The following MOK variants were observed in gnomAD, a reference collection of about 807,000 sequenced individuals.
MOK encodes the protein MOK protein kinase, also known as MAPK/MAK/MRK overlapping kinase.
MOK carries 59 observed loss-of-function variants against 54.2 expected under a neutral mutation model. That is an observed-to-expected ratio of 1.09 (90% CI 0.88 to 1.35). MOK has a LOEUF of 1.35. Among genes scored for constraint, MOK ranks in the 40% most tolerant of loss-of-function variants. The pLI is 0.00. For synonymous variants in MOK, 210 were observed against 202.7 expected, an observed-to-expected ratio of 1.04 and a Z score of -0.31; for missense variants, 517 against 526.2, an observed-to-expected ratio of 0.98 and a Z score of 0.17.
intron 1 of MOK, among the ~76,000 whole-genome samples, chr14:102,292,507 C>T (rs1480377733): frequency 6.6e-6 from 1 of 151,654 alleles, no homozygotes; most frequent in African/African-American, 2.4e-5. Flanking sequence ...AACAAAAAAA[C>T]AACTAATTAT....
chr14:102,302,048 G>A (rs1022843223), intron 1 of MOK, among the ~76,000 whole-genome samples: 7 of 150,418 alleles, frequency 4.7e-5, no homozygotes, highest in African/African-American at 1.7e-4. Flanking sequence ...CACTGCACCC[G>A]CCCCATAAAT....
At chr14:102,293,588 C>G (rs1213114819) in intron 1 of MOK, among the ~76,000 whole-genome samples, 1 of 150,370 alleles carries the variant, frequency 6.7e-6, no homozygotes, top group African/African-American at 2.4e-5. Context: ...ATCCCAGCTA[C>G]TCGGGAGGCT....
intron 1 of MOK, among the ~76,000 whole-genome samples, chr14:102,293,370 T>C (rs1034714758): frequency 6.6e-6 from 1 of 152,046 alleles, no homozygotes; most frequent in African/African-American, 2.4e-5. Context: ...AAAAAAAGGA[T>C]GATAATGATC....
Position 102,231,657 on chromosome 14 carries a change from T to A in MOK, c.981+50A>T, listed in dbSNP as rs759765429. 1.9e-6 allele frequency: 3 copies of A among 1,548,750 alleles called. No homozygotes were observed. The highest frequency in any genetic ancestry group is 2.7e-6 in the Non-Finnish European group (3 of 1,125,092). On this transcript the variant is annotated intron_variant, in intron 10 of 11. Transcript: ENST00000361847. This position sits in a 1 kb window ranked among gnomAD's most constrained non-coding sequence, Gnocchi z 4.4. The stretch of plus-strand genomic sequence containing the variant: ...GAGAGACACAGGCCACCCGAGGGCA[T>A]CCAGTCCCGGCTGAGCTAGGCAGTC...
intron 1 of MOK, among the ~76,000 whole-genome samples, chr14:102,287,358 C>T (rs933648785): frequency 3.3e-5 from 5 of 152,188 alleles, no homozygotes; most frequent in African/African-American, 1.2e-4. Context: ...AATCCCAGCA[C>T]TTTGGGAGGC....
At chr14:102,239,608 C>T (rs866494193) in intron 7 of MOK, among the ~76,000 whole-genome samples, 2 of 152,218 alleles carry the variant, frequency 1.3e-5, no homozygotes, top group African/African-American at 2.4e-5. Context: ...CAGTGGCTCA[C>T]GCCTGTAATC....
chr14:102,284,923 A>C (rs574131157), intron 1 of MOK, among the ~76,000 whole-genome samples: 29 of 152,224 alleles, frequency 1.9e-4, no homozygotes, highest in African/African-American at 5.8e-4. Context: ...CTCTACTAAA[A>C]ATACAAAAAA....
At chr14:102,273,675 AG>A (rs1386585451) in intron 2 of MOK, among the ~76,000 whole-genome samples, 1 of 152,080 alleles carries the variant, frequency 6.6e-6, no homozygotes, top group Non-Finnish European at 1.5e-5. Flanking sequence ...GCTACTTGGC[AG>A]GCTGAGGCAG....
downstream of MOK, among the ~76,000 whole-genome samples, chr14:102,219,693 T>A (rs1167711412): frequency 6.6e-6 from 1 of 152,208 alleles, no homozygotes; most frequent in African/African-American, 2.4e-5. Context: ...GCTTCCTGAG[T>A]GCTGCAGCAT....
rs566677323 is a variant in MOK, at chr14:102,246,655, C to T, written c.590+4157G>A. 3.3e-5 allele frequency among the ~76,000 whole-genome samples: 5 copies of T among 152,276 alleles called. No individual in the cohort carries two copies. The South Asian group carries it at 1.0e-3, about 32-fold the overall frequency. ...AAATCCTCATTAACTGCCCCTCAAA[C>T]TCGACATACAGGCATTAACAAAAAT... On this transcript the variant is annotated intron_variant, in intron 7 of 11. Transcript: ENST00000361847.
chr14:102,224,494 ACTG>A, downstream of MOK: 1 of 444,162 alleles, frequency 2.3e-6, no homozygotes, highest in Admixed American at 2.5e-5. Context: ...ATCATATACA[ACTG>A]GATCCTTCGA....
chr14:102,228,237 G>A (rs1391499796), downstream of MOK, among the ~76,000 whole-genome samples: 1 of 152,224 alleles, frequency 6.6e-6, no homozygotes, highest in African/African-American at 2.4e-5. Context: ...TGAGCACCAG[G>A]AGCTAAAATG....
At chr14:102,267,199 A>G (rs917945789) in intron 2 of MOK, among the ~76,000 whole-genome samples, 1 of 152,218 alleles carries the variant, frequency 6.6e-6, no homozygotes, top group Non-Finnish European at 1.5e-5. Flanking sequence ...AACTTTTAAC[A>G]TATATTGGAA....
intron 6 of MOK, 126 bp from the exon 7 acceptor site, chr14:102,251,116 A>G: frequency 9.8e-7 from 1 of 1,019,868 alleles, no homozygotes; most frequent in Non-Finnish European, 1.4e-6. Flanking sequence ...TAAAATACAA[A>G]TTACTGGCTT....
At chr14:102,226,470 G>C (rs1383088993), downstream of MOK, 1 of 701,802 alleles carries the variant, frequency 1.4e-6, no homozygotes. This position sits in a 1 kb window ranked among gnomAD's most constrained non-coding sequence, Gnocchi z 4.8. Context: ...AATCCGGCCA[G>C]CCAGGGTTCA....
At chr14:102,298,184 T>G (rs951271223) in intron 1 of MOK, among the ~76,000 whole-genome samples, 4 of 152,252 alleles carry the variant, frequency 2.6e-5, no homozygotes, top group Non-Finnish European at 5.9e-5. Context: ...AACCTTTATG[T>G]CTAACTAAGG....
chr14:102,278,380 G>GT (rs1211640248), intron 2 of MOK, among the ~76,000 whole-genome samples: 9 of 129,734 alleles, frequency 6.9e-5, no homozygotes, highest in African/African-American at 6.5e-5. Context: ...ATACTTTTAA[G>GT]TAAAAAAAAA....
At chr14:102,295,377 GA>G (rs1187243858) in intron 1 of MOK, among the ~76,000 whole-genome samples, 10 of 152,214 alleles carry the variant, frequency 6.6e-5, no homozygotes, top group African/African-American at 2.2e-4. Context: ...AAGTGAAAAT[GA>G]AGGTCAAATT....
At chr14:102,223,985 CAGTG>C (rs1411498361), downstream of MOK, among the ~76,000 whole-genome samples, 20 of 151,826 alleles carry the variant, frequency 1.3e-4, no homozygotes, top group East Asian at 3.9e-4. Flanking sequence ...ACAGTTTCTA[CAGTG>C]AGTATGAACA....
Sources: allele counts gnomAD v4.1 joint callset (sites outside exome capture counted in the v4.1 genomes callset), GRCh38; gene constraint gnomAD v4.1.1; non-coding constraint Gnocchi (gnomAD v3.1); transcripts MANE v1.5; gene names NCBI Gene and HGNC (gene_info 2026-07-23, HGNC 2026-07-21).